Variants in GALNT14 observed in about 807,000 individuals in gnomAD.
GALNT14 encodes UDP-GalNAc:polypeptide N-acetylgalactosaminyltransferase 14.
In GALNT14, 60 loss-of-function variants were observed where a neutral mutation model predicts 77.5. That is an observed-to-expected ratio of 0.77 (90% CI 0.63 to 0.96). The LOEUF (loss-of-function observed/expected upper bound fraction) is 0.96, where lower values mean the gene tolerates loss of function less well. GALNT14 is among the 40% of genes least tolerant of loss of function. GALNT14 has a pLI of 0.00. For missense variants in GALNT14, 710 were observed against 731.0 expected (o/e 0.97, Z 0.33); for synonymous variants, 280 against 281.7 (o/e 0.99, Z 0.06).
chr2:31,059,433 GT>G (rs1353534328), intron 1 of GALNT14, among the ~76,000 whole-genome samples: 2 of 152,112 alleles, frequency 1.3e-5, no homozygotes, highest in Non-Finnish European at 2.9e-5. Context: ...GAACATCTGT[GT>G]CCCCCTAAAA....
chr2:30,892,203 A>G, the GALNT14 span, among the ~76,000 whole-genome samples: 8 of 152,252 alleles, frequency 5.3e-5, no homozygotes, highest in African/African-American at 1.9e-4. Context: ...CCAAGCTGAA[A>G]GAGAACAAAG....
chr2:31,023,698 C>A (rs1205441502), intron 1 of GALNT14, among the ~76,000 whole-genome samples: 2 of 152,048 alleles, frequency 1.3e-5, no homozygotes, highest in African/African-American at 4.8e-5. Context: ...GATCTAGCAG[C>A]ATCCATGGTT....
At chr2:30,959,879 T>C (rs374797064) in intron 3 of GALNT14, among the ~76,000 whole-genome samples, 1 of 152,174 alleles carries the variant, frequency 6.6e-6, no homozygotes, top group Non-Finnish European at 1.5e-5. Flanking sequence ...ACACCAGCTA[T>C]CACGGGATTC....
Position 31,138,390 on chromosome 2 carries a change from G to GGCT in GALNT14, c.-307_-305dup. The GGCT allele has an allele frequency of 3.0e-6, 1 of 335,548 alleles. No individual in the cohort carries two copies. Among genetic ancestry groups the GGCT allele is most frequent in the Non-Finnish European group, 5.5e-6 (1 of 182,910 alleles). The allele number at this position is 335,548 out of a possible 1,614,324, so 20.8% of individuals were successfully genotyped here. ...GAGATGTTCCCCACGCCGCCACCGC[G>GGCT]GCTGCCGCCGCCGCCGCCGCCGCCT... On this transcript the variant is annotated 5_prime_UTR_variant, in exon 1 of 15. Transcript: ENST00000349752.
At chr2:30,909,311 C>G (rs1385943226), downstream of GALNT14, among the ~76,000 whole-genome samples, 2 of 151,102 alleles carry the variant, frequency 1.3e-5, no homozygotes, top group African/African-American at 4.9e-5. Context: ...ACCTACTCAT[C>G]TGACAAAGGG....
At chr2:30,890,043 T>C in the GALNT14 span, among the ~76,000 whole-genome samples, 3 of 152,272 alleles carry the variant, frequency 2.0e-5, no homozygotes, top group East Asian at 1.9e-4. Context: ...AATGAACCTG[T>C]GGTCTCCCCA....
chr2:30,952,107 A>G (rs1667061352), intron 6 of GALNT14, among the ~76,000 whole-genome samples: 1 of 152,250 alleles, frequency 6.6e-6, no homozygotes, highest in Non-Finnish European at 1.5e-5. Flanking sequence ...AAAGTTGCTC[A>G]GAAAATGCTT....
chr2:31,132,292 T>G (rs1340695862), intron 1 of GALNT14, among the ~76,000 whole-genome samples: 1 of 152,146 alleles, frequency 6.6e-6, no homozygotes, highest in Non-Finnish European at 1.5e-5. Flanking sequence ...AGTGGTTTTG[T>G]TTTTGTTTTT....
At chr2:31,084,734 A>C (rs1032772201) in intron 1 of GALNT14, among the ~76,000 whole-genome samples, 1 of 152,152 alleles carries the variant, frequency 6.6e-6, no homozygotes, top group Non-Finnish European at 1.5e-5. Context: ...ATTAAAGGTA[A>C]AGTGTGTGGC....
intron 1 of GALNT14, among the ~76,000 whole-genome samples, chr2:30,994,883 A>T (rs888547225): frequency 6.6e-6 from 1 of 152,174 alleles, no homozygotes; most frequent in Admixed American, 6.5e-5. Context: ...ACATGCATGG[A>T]GATGCCTGTA....
At chr2:30,984,297 G>C (rs1404080407) in intron 2 of GALNT14, among the ~76,000 whole-genome samples, 2 of 152,242 alleles carry the variant, frequency 1.3e-5, no homozygotes, top group African/African-American at 4.8e-5. Flanking sequence ...TGTTCAGCCT[G>C]CACTTTGTTT....
intron 2 of GALNT14, among the ~76,000 whole-genome samples, chr2:30,989,557 AC>A (rs1422272728): frequency 3.6e-5 from 2 of 56,042 alleles, no homozygotes; most frequent in Non-Finnish European, 6.2e-5. Flanking sequence ...GTAGGTAAAT[AC>A]CTTATATATA....
In GALNT14 at chr2:30,924,700, G is replaced by A. The variant is rs1665253427; in HGVS notation, c.1235+40C>T. 3 of 1,578,190 alleles carry A rather than the reference G, an allele frequency of 1.9e-6. No homozygotes were observed. The African/African-American group carries it at 4.0e-5, about 21-fold the overall frequency. ...CAGACCAAGCCAGCTGAGGGCCTCT[G>A]CTTTCAGCCAGCCAAAGCTCCAACA... is the stretch of plus-strand genomic sequence containing the variant. On this transcript the variant is annotated intron_variant, in intron 12 of 14. Coordinates refer to ENST00000349752, the MANE Select transcript of GALNT14 (RefSeq NM_024572.4).
chr2:31,012,715 T>C (rs2161831), intron 1 of GALNT14, among the ~76,000 whole-genome samples: 1 of 151,990 alleles, frequency 6.6e-6, no homozygotes, highest in Non-Finnish European at 1.5e-5. Context: ...TGCCCCTGTG[T>C]GGGTGGGGCC....
intron 1 of GALNT14, among the ~76,000 whole-genome samples, chr2:31,010,190 G>GT (rs1670931392): frequency 6.6e-6 from 1 of 152,166 alleles, no homozygotes; most frequent in South Asian, 2.1e-4. Flanking sequence ...GTTTCACCAT[G>GT]TTGGTCAGCC....
chr2:31,125,203 C>G (rs1678645308), intron 1 of GALNT14: 1 of 1,550,478 alleles, frequency 6.4e-7, no homozygotes, highest in African/African-American at 1.4e-5. Context: ...ATACAGGCAC[C>G]TGAGGCGCCC....
At chr2:31,025,808 A>C (rs978362563) in intron 1 of GALNT14, among the ~76,000 whole-genome samples, 2 of 152,180 alleles carry the variant, frequency 1.3e-5, no homozygotes, top group Non-Finnish European at 2.9e-5. Context: ...AAAATCTGCA[A>C]ATCAAGCCAA....
intron 1 of GALNT14, among the ~76,000 whole-genome samples, chr2:31,120,155 C>CAAAAAAA (rs753835346): frequency 1.5e-5 from 1 of 66,802 alleles, no homozygotes; most frequent in Non-Finnish European, 3.1e-5. Flanking sequence ...GACTCCGTCT[C>CAAAAAAA]AAAAAAAAAA....
intron 13 of GALNT14, among the ~76,000 whole-genome samples, chr2:30,921,880 C>T (rs555466241): frequency 1.3e-5 from 2 of 152,264 alleles, no homozygotes; most frequent in African/African-American, 4.8e-5. Context: ...AGGGATGCTG[C>T]TAGACTTCCC....
Sources: allele counts gnomAD v4.1 joint callset (sites outside exome capture counted in the v4.1 genomes callset), GRCh38; gene constraint gnomAD v4.1.1; transcripts MANE v1.5; gene names NCBI Gene and HGNC (gene_info 2026-07-23, HGNC 2026-07-21).